Variants in PKIG observed in about 807,000 individuals in gnomAD.
The protein encoded by PKIG is protein kinase (cAMP-dependent, catalytic) inhibitor gamma.
PKIG carries 1 observed loss-of-function variant against 6.8 expected under a neutral mutation model. That is an observed-to-expected ratio of 0.15 (90% confidence interval 0.05 to 0.69). The LOEUF is 0.69. PKIG is among the 30% of genes least tolerant of loss of function. The pLI is 0.82. For synonymous variants in PKIG, 39 were observed against 43.0 expected (o/e 0.91, Z 0.36); for missense variants, 77 against 104.0 (o/e 0.74, Z 1.13).
At chr20:44,539,391 G>A (rs62207803) in intron 1 of PKIG, among the ~76,000 whole-genome samples, 13,055 of 151,588 alleles carry the variant, frequency 0.086, 753 homozygotes, top group South Asian at 0.12. Flanking sequence ...TTTGAATGAG[G>A]CCCAACACAA....
chr20:44,568,793 G>A (rs1698887813), intron 1 of PKIG, among the ~76,000 whole-genome samples: 2 of 151,996 alleles, frequency 1.3e-5, no homozygotes, highest in South Asian at 4.1e-4. Flanking sequence ...TTCTTCGATA[G>A]TATCATTTAT....
chr20:44,618,679 A>G lies in PKIG; in HGVS notation c.*315A>G. The G allele has an allele frequency of 3.6e-6, 1 of 274,638 alleles. No individual in the cohort carries two copies. The allele number at this position is 274,638 out of a possible 1,614,324, so 17.0% of individuals were successfully genotyped here. ...CTGCCCTACAGTGAGCAGCCCACAC[A>G]GGAACGCTCCTCTCGCGAGCGGCCC... On this transcript the variant is annotated 3_prime_UTR_variant, in exon 4 of 4. Transcript: ENST00000372886.
intron 2 of PKIG, among the ~76,000 whole-genome samples, chr20:44,594,587 G>T (rs766268847): frequency 6.6e-6 from 1 of 152,186 alleles, no homozygotes; most frequent in Non-Finnish European, 1.5e-5. Flanking sequence ...TTTGCTCAGC[G>T]TCATGCAGCT....
intron 1 of PKIG, among the ~76,000 whole-genome samples, chr20:44,573,564 T>A (rs2123302122): frequency 6.6e-6 from 1 of 152,356 alleles, no homozygotes; most frequent in East Asian, 1.9e-4. Flanking sequence ...CTTTCTGGAC[T>A]ATACCGAACA....
chr20:44,556,551 C>T (rs1203390297), intron 1 of PKIG, among the ~76,000 whole-genome samples: 2 of 151,876 alleles, frequency 1.3e-5, no homozygotes, highest in African/African-American at 2.4e-5. Context: ...TTAGTAGAGA[C>T]GGGGTTTCAC....
intron 1 of PKIG, among the ~76,000 whole-genome samples, chr20:44,550,716 C>T (rs1315900664): frequency 6.6e-6 from 1 of 152,138 alleles, no homozygotes; most frequent in African/African-American, 2.4e-5. Flanking sequence ...GAAATAGGTA[C>T]TATTATTATC....
At chr20:44,539,194 A>G (rs2064538454) in intron 1 of PKIG, among the ~76,000 whole-genome samples, 1 of 152,090 alleles carries the variant, frequency 6.6e-6, no homozygotes, top group East Asian at 1.9e-4. Flanking sequence ...CAGCCTCCCA[A>G]AGTGTTGGGA....
At chr20:44,560,747 T>C (rs138146710) in intron 1 of PKIG, among the ~76,000 whole-genome samples, 2 of 152,318 alleles carry the variant, frequency 1.3e-5, no homozygotes, top group South Asian at 2.1e-4. Context: ...CCAAGATCTT[T>C]CATCATTATG....
Position 44,614,602 on chromosome 20 carries a change from C to T in PKIG, c.46C>T (p.Arg16Trp). The T allele has an allele frequency of 6.2e-7, 1 of 1,613,996 alleles. No homozygotes were observed. The highest frequency in any genetic ancestry group is 8.5e-7 in the Non-Finnish European group (1 of 1,179,954). The change falls in exon 3 of 4, where the codon CGG becomes TGG. Residue 16 changes from arginine to tryptophan, a missense_variant. By Grantham distance (101) the Arg-to-Trp change is moderately radical. Transcript: ENST00000372886. The surrounding 1 kb of genome is among the most constrained non-coding windows in gnomAD (Gnocchi z 4.6). ...SSYSDFISCD[R>W]TGRRNAVPDI... ...CTACTCGGACTTCATCTCCTGTGAC[C>T]GGACAGGCCGTCGGAATGCGGTCCC...
At position 44,610,415 on chromosome 20, in the gene PKIG, G is replaced by T. The variant is rs796501350; in HGVS notation, c.-23-4119G>T. ...TCTTCTGAGCTAGGTGTTGTGGGGG[G>T]ATGTGGGCCTTGCCCTCCATACTGA... On this transcript the variant is annotated intron_variant, in intron 2 of 3. Transcript: ENST00000372886. Among the ~76,000 whole-genome samples the T allele has an allele frequency of 5.3e-5, 8 of 151,956 alleles. No homozygotes were observed. In the South Asian group the frequency reaches 1.5e-3, roughly 28 times the overall value.
chr20:44,606,342 T>C (rs1000724952), intron 2 of PKIG, among the ~76,000 whole-genome samples: 4 of 152,196 alleles, frequency 2.6e-5, no homozygotes, highest in African/African-American at 9.7e-5. Context: ...AAAACAGCAT[T>C]AAGAAGACTG....
intron 1 of PKIG, among the ~76,000 whole-genome samples, chr20:44,558,637 T>C (rs1042776266): frequency 1.3e-5 from 2 of 151,196 alleles, no homozygotes; most frequent in African/African-American, 4.9e-5. Context: ...TTTCATTCTT[T>C]CTTTTTTTCT....
intron 1 of PKIG, among the ~76,000 whole-genome samples, chr20:44,542,483 G>C (rs1468769092): frequency 2.0e-5 from 3 of 151,690 alleles, no homozygotes; most frequent in African/African-American, 7.3e-5. Context: ...TAATTCTATT[G>C]TTTTCTTATG....
rs988504425 is a variant in PKIG, at chr20:44,576,195, G to A, written c.-240-6390G>A. On this transcript the variant is annotated intron_variant, in intron 1 of 4. Transcript: ENST00000372887. ...TGTGTGTGTGTGTGTGTGTGTGTGT[G>A]TGTGTTTAGAAAATATTTATTGAGT... Among the ~76,000 whole-genome samples the A allele has an allele frequency of 3.4e-5, 5 of 148,312 alleles. No individual in the cohort carries two copies. The East Asian group carries it at 6.2e-4, about 19-fold the overall frequency.
chr20:44,583,949 G>A (rs2064968533), intron 1 of PKIG, among the ~76,000 whole-genome samples: 1 of 152,048 alleles, frequency 6.6e-6, no homozygotes. Context: ...TTCAGATTAG[G>A]TGTTCTTGAA....
intron 1 of PKIG, among the ~76,000 whole-genome samples, chr20:44,568,673 A>G (rs966549285): frequency 2.7e-5 from 4 of 149,566 alleles, no homozygotes; most frequent in African/African-American, 9.9e-5. Context: ...CTGGTCTTGA[A>G]CTCCTGACCT....
chr20:44,549,646 A>G (rs1387111772), intron 1 of PKIG, among the ~76,000 whole-genome samples: 1 of 152,158 alleles, frequency 6.6e-6, no homozygotes, highest in Admixed American at 6.5e-5. Flanking sequence ...GCAACAAAGT[A>G]AAACCCCATC....
intron 2 of PKIG, among the ~76,000 whole-genome samples, chr20:44,604,305 C>G (rs1482430848): frequency 1.3e-5 from 2 of 152,158 alleles, no homozygotes; most frequent in Non-Finnish European, 1.5e-5. Flanking sequence ...TGGCTCCTGA[C>G]TAAGGGAATG....
At chr20:44,554,360 G>A (rs892115278) in intron 1 of PKIG, among the ~76,000 whole-genome samples, 8 of 152,268 alleles carry the variant, frequency 5.3e-5, no homozygotes, top group African/African-American at 1.9e-4. Context: ...AGGATTATAA[G>A]TGTGAGCCAC....
Sources: gnomAD v4.1 joint callset for allele counts (sites outside exome capture counted in the v4.1 genomes callset) on GRCh38, gnomAD v4.1.1 for gene constraint, Gnocchi (gnomAD v3.1) non-coding constraint, MANE v1.5 for transcripts, NCBI Gene and HGNC (gene_info 2026-07-23, HGNC 2026-07-21) for gene names.